Variants in MAP2 observed in about 807,000 individuals in gnomAD.
MAP2 encodes microtubule associated protein 2, also known as microtubule-associated protein 2.
Under a neutral mutation model 137.6 loss-of-function variants are expected in MAP2, and 14 were observed. The observed-to-expected ratio is 0.10, with a 90% CI of 0.07 to 0.16. The LOEUF (loss-of-function observed/expected upper bound fraction) is 0.16, where lower values mean the gene tolerates loss of function less well. Among genes scored for constraint, MAP2 ranks in the 10% least tolerant of loss-of-function variants. The pLI, the probability that MAP2 is intolerant of heterozygous loss-of-function variation, is 1.00. For missense variants in MAP2, 2,088 were observed against 2,191.5 expected (o/e 0.95, Z 0.94); for synonymous variants, 786 against 782.3 (o/e 1.00, Z -0.08).
chr2:209,661,797 T>A, intron 5 of MAP2: 1 of 448,590 alleles, frequency 2.2e-6, no homozygotes, highest in Non-Finnish European at 2.9e-6. Context: ...GATTTGAACC[T>A]AATTTAGGGC....
At chr2:209,625,153 G>C (rs1428675437) in intron 4 of MAP2, 24 bp downstream of exon 4, 1 of 152,100 alleles carries the variant, frequency 6.6e-6, no homozygotes, top group Non-Finnish European at 1.5e-5. Flanking sequence ...TACTCTGAAA[G>C]AGTTACCTAC....
At chr2:209,705,783 G>C in intron 12 of MAP2, 56 bp downstream of exon 12, 7 of 1,312,808 alleles carry the variant, frequency 5.3e-6, no homozygotes, top group Non-Finnish European at 7.5e-6. Context: ...CCTTTAAGTG[G>C]AATAGCACTT....
At chr2:209,704,657 T>C (rs137913893) in intron 11 of MAP2, 6 of 1,531,668 alleles carry the variant, frequency 3.9e-6, no homozygotes, top group East Asian at 2.3e-5. Context: ...CAGAAAGAAA[T>C]AGAATTTGGG....
intron 3 of MAP2, among the ~76,000 whole-genome samples, chr2:209,615,303 C>T (rs1000171236): frequency 9.9e-5 from 15 of 152,142 alleles, no homozygotes; most frequent in Admixed American, 2.6e-4. Flanking sequence ...GAGTGAAATG[C>T]GTTCTTTCTC....
At chr2:209,513,324 G>A (rs10514643) in intron 2 of MAP2, among the ~76,000 whole-genome samples, 8,812 of 152,126 alleles carry the variant, frequency 0.058, 290 homozygotes, top group South Asian at 0.092. Flanking sequence ...TGTTATGATT[G>A]TATCTGGATA....
intron 3 of MAP2, among the ~76,000 whole-genome samples, chr2:209,590,608 T>C (rs2078996829): frequency 6.6e-6 from 1 of 152,204 alleles, no homozygotes; most frequent in Admixed American, 6.5e-5. Context: ...GTGCTGAGAT[T>C]ACAGGTGTCA....
intron 1 of MAP2, among the ~76,000 whole-genome samples, chr2:209,458,392 G>A (rs1293185078): frequency 6.6e-6 from 1 of 152,082 alleles, no homozygotes; most frequent in Non-Finnish European, 1.5e-5. Flanking sequence ...TTTTTAAAAA[G>A]GAACTGTTCT....
At chr2:209,437,182 T>TA (rs1182201784) in intron 1 of MAP2, among the ~76,000 whole-genome samples, 51 of 151,382 alleles carry the variant, frequency 3.4e-4, no homozygotes, top group Admixed American at 2.0e-3. Flanking sequence ...CCCTTGCACT[T>TA]AAAAAAAATG....
At chr2:209,550,661 A>G (rs552256609) in intron 2 of MAP2, among the ~76,000 whole-genome samples, 1 of 152,284 alleles carries the variant, frequency 6.6e-6, no homozygotes, top group Admixed American at 6.5e-5. Flanking sequence ...TTTTTAGATG[A>G]TTAATAAATA....
chr2:209,605,455 AT>A (rs1481504508), intron 3 of MAP2, among the ~76,000 whole-genome samples: 8 of 152,220 alleles, frequency 5.3e-5, no homozygotes, highest in Admixed American at 2.0e-4. Flanking sequence ...TCTTATAAAA[AT>A]AAGGTTATTA....
At chr2:209,476,226 A>G (rs555337634) in intron 1 of MAP2, among the ~76,000 whole-genome samples, 2 of 152,216 alleles carry the variant, frequency 1.3e-5, no homozygotes, top group South Asian at 4.1e-4. Context: ...TCCATCTCAA[A>G]GTGATAGCAG....
At chr2:209,680,426 CA>C (rs2054059310) in intron 6 of MAP2, among the ~76,000 whole-genome samples, 2 of 151,992 alleles carry the variant, frequency 1.3e-5, no homozygotes, top group South Asian at 4.1e-4. Context: ...AAATTAGGGC[CA>C]AAATGAAATA....
At chr2:209,630,835 A>G (rs562868958) in intron 4 of MAP2, among the ~76,000 whole-genome samples, 134 of 151,744 alleles carry the variant, frequency 8.8e-4, no homozygotes, top group African/African-American at 2.4e-3. Flanking sequence ...ATACTTAGGT[A>G]TATTTTATGG....
intron 4 of MAP2, among the ~76,000 whole-genome samples, chr2:209,641,826 T>G (rs1055166048): frequency 6.6e-6 from 1 of 152,134 alleles, no homozygotes; most frequent in Admixed American, 6.6e-5. Context: ...TCAGAAATAG[T>G]ATACAGCTGT....
At chr2:209,514,604 C>T (rs919513826) in intron 2 of MAP2, among the ~76,000 whole-genome samples, 1 of 151,980 alleles carries the variant, frequency 6.6e-6, no homozygotes, top group African/African-American at 2.4e-5. Context: ...GTATTATAAC[C>T]TAAATATAGG....
In MAP2 at chr2:209,465,767, C is replaced by T. The variant is rs560733732; in HGVS notation, c.-222+41491C>T. Among the ~76,000 whole-genome samples, 113 of 152,258 alleles carry T rather than the reference C, an allele frequency of 7.4e-4. No homozygotes were observed. The South Asian group carries it at 0.012, about 16-fold the overall frequency. ...TTAGCAAACACCCTTAGGTCTAAAA[C>T]ACATGTTGGTTCTTGAGAGATTTCC... On this transcript the variant is annotated intron_variant, in intron 1 of 15. Transcript: ENST00000682079.
intron 7 of MAP2, among the ~76,000 whole-genome samples, chr2:209,685,213 T>A (rs1469950490): frequency 6.6e-6 from 1 of 152,186 alleles, no homozygotes; most frequent in Non-Finnish European, 1.5e-5. Flanking sequence ...ACTGTGAGAC[T>A]ATGGAAGTAA....
At chr2:209,697,132 T>C in intron 10 of MAP2, 81 bp downstream of exon 10, 1 of 1,377,216 alleles carries the variant, frequency 7.3e-7, no homozygotes, top group South Asian at 1.5e-5. Context: ...AGCAGCTTCT[T>C]CATTTTGTTT....
intron 2 of MAP2, among the ~76,000 whole-genome samples, chr2:209,566,251 T>A (rs2073390562): frequency 6.6e-6 from 1 of 152,218 alleles, no homozygotes; most frequent in Non-Finnish European, 1.5e-5. Flanking sequence ...ACGGACTTGC[T>A]GTATCTAGCA....
Sources: allele counts gnomAD v4.1 joint callset (sites outside exome capture counted in the v4.1 genomes callset), GRCh38; gene constraint gnomAD v4.1.1; transcripts MANE v1.5; gene names NCBI Gene and HGNC (gene_info 2026-07-23, HGNC 2026-07-21).